Variants in NBAS observed in about 807,000 individuals in gnomAD.
The protein encoded by NBAS is NAG/BC035112 fusion.
A neutral mutation model predicts 302.5 loss-of-function variants in NBAS; 219 were observed. The observed-to-expected ratio is 0.72, with a 90% confidence interval of 0.65 to 0.81. NBAS has a LOEUF of 0.81. Ranked by LOEUF, NBAS falls within the 30% of genes least tolerant of loss-of-function variation. The pLI, the probability that NBAS is intolerant of heterozygous loss-of-function variation, is 0.00. For synonymous variants in NBAS, 1,118 were observed against 1,021.6 expected, an observed-to-expected ratio of 1.09 and a Z score of -1.80; for missense variants, 2,932 against 2,841.6, an observed-to-expected ratio of 1.03 and a Z score of -0.72.
At chr2:15,004,567 T>C in the NBAS span, among the ~76,000 whole-genome samples, 4 of 152,020 alleles carry the variant, frequency 2.6e-5, no homozygotes, top group African/African-American at 7.3e-5. Flanking sequence ...AGTGGCACGA[T>C]CATGGCTCGT....
intron 6 of NBAS, among the ~76,000 whole-genome samples, chr2:15,539,873 C>T (rs1353871723): frequency 6.6e-6 from 1 of 152,008 alleles, no homozygotes; most frequent in Admixed American, 6.6e-5. Flanking sequence ...CACACACACA[C>T]TCACACACAT....
At chr2:15,287,005 A>C in intron 42 of NBAS, 68 bp downstream of exon 42, 2 of 1,276,672 alleles carry the variant, frequency 1.6e-6, no homozygotes, top group Non-Finnish European at 2.3e-6. Context: ...CAACTTCTTC[A>C]AGAGTCTTCA....
chr2:15,036,679 G>A, the NBAS span, among the ~76,000 whole-genome samples: 3 of 152,158 alleles, frequency 2.0e-5, no homozygotes, highest in Non-Finnish European at 4.4e-5. Context: ...CTTTAGTACT[G>A]GAGCTTGTAA....
chr2:15,305,973 G>A (rs1671018508), intron 40 of NBAS, among the ~76,000 whole-genome samples: 1 of 152,172 alleles, frequency 6.6e-6, no homozygotes, highest in Non-Finnish European at 1.5e-5. Context: ...TGACCTTTAG[G>A]GGGAAAAAAT....
chr2:15,408,749 A>C (rs1676543224), intron 25 of NBAS, among the ~76,000 whole-genome samples: 1 of 152,244 alleles, frequency 6.6e-6, no homozygotes, highest in African/African-American at 2.4e-5. Context: ...AGAAACATAT[A>C]ATGTGAGCAA....
At chr2:14,835,698 G>T in the NBAS span, among the ~76,000 whole-genome samples, 1 of 151,530 alleles carries the variant, frequency 6.6e-6, no homozygotes, top group African/African-American at 2.4e-5. Context: ...TTTTTCACTA[G>T]AATATAGTAT....
At chr2:15,483,899 T>A (rs1324265693) in intron 12 of NBAS, among the ~76,000 whole-genome samples, 2 of 152,178 alleles carry the variant, frequency 1.3e-5, no homozygotes, top group Non-Finnish European at 2.9e-5. Context: ...GCTGACTAGT[T>A]TAAATATCAC....
intron 48 of NBAS, among the ~76,000 whole-genome samples, chr2:15,191,696 G>C (rs915659398): frequency 1.4e-4 from 21 of 152,154 alleles, no homozygotes; most frequent in African/African-American, 5.1e-4. Flanking sequence ...AGATCAGGAT[G>C]TTCTGAAACT....
intron 44 of NBAS, among the ~76,000 whole-genome samples, chr2:15,241,121 T>C (rs2147953667): frequency 6.6e-6 from 1 of 152,296 alleles, no homozygotes; most frequent in South Asian, 2.1e-4. Context: ...TCCAAGTTTA[T>C]TAGAGAGTGC....
At chr2:15,474,377 T>C in intron 14 of NBAS, 53 bp from the exon 15 acceptor site, 1 of 1,487,168 alleles carries the variant, frequency 6.7e-7, no homozygotes, top group East Asian at 2.4e-5. Flanking sequence ...AGAATAACTT[T>C]TTAGAATTAA....
rs1249613795 is a variant in NBAS, at chr2:15,419,350, T to C, written c.2578-1638A>G. The stretch of plus-strand genomic sequence containing the variant: ...ATACATATATATGTGTGTGTGTGTG[T>C]GTGTGTGTGTAGAAGAATACATTTA... On this transcript the variant is annotated intron_variant, in intron 23 of 51. Transcript: ENST00000281513. 7.3e-5 allele frequency among the ~76,000 whole-genome samples: 11 copies of C among 151,502 alleles called. 1 individual carries two copies. In the South Asian group the frequency reaches 1.5e-3, roughly 20 times the overall value.
At chr2:15,028,486 A>G in the NBAS span, among the ~76,000 whole-genome samples, 1 of 152,242 alleles carries the variant, frequency 6.6e-6, no homozygotes, top group African/African-American at 2.4e-5. Context: ...TTTTTAAAAC[A>G]TAAATCAGAT....
the NBAS span, among the ~76,000 whole-genome samples, chr2:15,111,794 T>A: frequency 1.3e-5 from 2 of 151,324 alleles, no homozygotes; most frequent in African/African-American, 2.4e-5. Context: ...TACATCTACC[T>A]CTCATTAAAA....
intron 9 of NBAS, among the ~76,000 whole-genome samples, chr2:15,526,341 TACC>T (rs1000727799): frequency 2.6e-5 from 4 of 152,202 alleles, no homozygotes; most frequent in South Asian, 2.1e-4. Context: ...TCACCAAATT[TACC>T]ACCTCAGTTT....
the NBAS span, among the ~76,000 whole-genome samples, chr2:14,947,322 T>G: frequency 6.6e-6 from 1 of 151,568 alleles, no homozygotes; most frequent in Non-Finnish European, 1.5e-5. Context: ...AAATTAAAAA[T>G]GAAAAAGGAA....
chr2:15,434,280 A>G (rs1677904319), intron 21 of NBAS, among the ~76,000 whole-genome samples: 1 of 152,220 alleles, frequency 6.6e-6, no homozygotes, highest in South Asian at 2.1e-4. Flanking sequence ...AACAGATGAC[A>G]AGAGAGACAA....
At chr2:15,022,640 A>C in the NBAS span, among the ~76,000 whole-genome samples, 1 of 152,238 alleles carries the variant, frequency 6.6e-6, no homozygotes, top group East Asian at 1.9e-4. Context: ...CTCCATATCC[A>C]ATCAATCAGA....
the NBAS span, among the ~76,000 whole-genome samples, chr2:14,988,606 T>C: frequency 0.04 from 6,145 of 152,204 alleles, 413 homozygotes; most frequent in African/African-American, 0.14. Context: ...AGATACCAGT[T>C]AGGTAAACAA....
chr2:15,040,413 G>A, the NBAS span, among the ~76,000 whole-genome samples: 1 of 152,162 alleles, frequency 6.6e-6, no homozygotes, highest in Admixed American at 6.5e-5. Flanking sequence ...AGAAGTCTTG[G>A]CTGAGTCTTA....
Sources: gnomAD v4.1 joint callset for allele counts (sites outside exome capture counted in the v4.1 genomes callset) on GRCh38, gnomAD v4.1.1 for gene constraint, MANE v1.5 for transcripts, NCBI Gene and HGNC (gene_info 2026-07-23, HGNC 2026-07-21) for gene names.